The following PHF3 variants were observed in gnomAD, a reference collection of about 807,000 sequenced individuals.
PHF3 encodes PHD finger protein 3.
Under a neutral mutation model 178.4 loss-of-function variants are expected in PHF3, and 41 were observed. The observed-to-expected ratio is 0.23, with a 90% CI of 0.18 to 0.30. The LOEUF (loss-of-function observed/expected upper bound fraction) is 0.30, where lower values mean the gene tolerates loss of function less well. Ranked by LOEUF, PHF3 falls within the 10% of genes least tolerant of loss-of-function variation. The probability of loss-of-function intolerance (pLI) is 1.00; values close to 1 mark genes in which losing one functional copy is unlikely to be tolerated. For synonymous variants in PHF3, 842 were observed against 800.5 expected (o/e 1.05, Z -0.88); for missense variants, 2,346 against 2,398.1 (o/e 0.98, Z 0.45).
intron 1 of PHF3, chr6:63,636,950 G>GT (rs1484038454): frequency 6.6e-6 from 1 of 152,152 alleles, no homozygotes; most frequent in Non-Finnish European, 1.5e-5. Flanking sequence ...CTCAGGATGT[G>GT]TTGCCGGGTT....
chr6:63,660,720 C>G (rs1050642390), intron 2 of PHF3, among the ~76,000 whole-genome samples: 3 of 152,190 alleles, frequency 2.0e-5, no homozygotes, highest in African/African-American at 7.2e-5. Flanking sequence ...GTCCTGACCA[C>G]TCTTTTCCTG....
At chr6:63,698,825 C>T (rs1767347846) in intron 8 of PHF3, among the ~76,000 whole-genome samples, 1 of 152,044 alleles carries the variant, frequency 6.6e-6, no homozygotes, top group East Asian at 1.9e-4. Context: ...CGTGTCTTAA[C>T]CTGATTTATA....
At chr6:63,700,758 A>T (rs1051216411) in intron 9 of PHF3, among the ~76,000 whole-genome samples, 14 of 151,996 alleles carry the variant, frequency 9.2e-5, no homozygotes, top group African/African-American at 3.4e-4. Context: ...TAATTTTTGT[A>T]TTTTTAGTAG....
chr6:63,721,160 T>C lies in PHF3; in HGVS notation c.*7452T>C, dbSNP rs1768368829. On this transcript the variant is annotated 3_prime_UTR_variant, in exon 16 of 16. Transcript: ENST00000262043. ...TAATGTAAGAATTACCCATAAATTT[T>C]GCAGTTGAAAATGAAGTTTTGTTTT... is the stretch of plus-strand genomic sequence containing the variant. 12 of 1,551,602 alleles carry C rather than the reference T, an allele frequency of 7.7e-6. No homozygotes were observed. Among genetic ancestry groups the C allele is most frequent in the Non-Finnish European group, 9.6e-6 (11 of 1,146,882 alleles).
intron 2 of PHF3, among the ~76,000 whole-genome samples, chr6:63,649,022 T>C (rs1764907407): frequency 6.6e-6 from 1 of 151,934 alleles, no homozygotes; most frequent in Non-Finnish European, 1.5e-5. Context: ...TGGAAAACAT[T>C]TTTGAAAAAA....
rs908610258 is a variant in PHF3, at chr6:63,636,138, C to T, written c.-38C>T. The T allele has an allele frequency of 2.8e-5, 11 of 388,820 alleles. No individual in the cohort carries two copies. In the East Asian group the frequency reaches 4.0e-4, roughly 14 times the overall value. The allele number at this position is 388,820 out of a possible 1,614,324, so 24.1% of individuals were successfully genotyped here. On this transcript the variant is annotated 5_prime_UTR_variant, in exon 1 of 16. Coordinates refer to ENST00000262043, the MANE Select transcript of PHF3 (RefSeq NM_001370348.2). ...TCTTGCTGCCAGTGGTAGCGCTCGT[C>T]TGGCGGAGCTGGGTGAGTTGCGGCT...
chr6:63,661,759 G>T (rs183587196), intron 2 of PHF3, among the ~76,000 whole-genome samples: 7 of 152,318 alleles, frequency 4.6e-5, no homozygotes, highest in Admixed American at 4.6e-4. Flanking sequence ...TGTTGAGAAT[G>T]TAATTAGCCT....
chr6:63,662,660 G>A (rs1443605663), intron 2 of PHF3, among the ~76,000 whole-genome samples: 1 of 152,052 alleles, frequency 6.6e-6, no homozygotes, highest in Non-Finnish European at 1.5e-5. Context: ...CTAAAATACT[G>A]TCTTTCCCTA....
chr6:63,702,664 AT>A (rs1376183677), intron 10 of PHF3, 25 bp downstream of exon 10: 1 of 1,584,804 alleles, frequency 6.3e-7, no homozygotes, highest in African/African-American at 1.4e-5. Context: ...GCCATGTTTT[AT>A]AGCTCAAAAC....
At chr6:63,652,713 G>T (rs1765068228) in intron 2 of PHF3, among the ~76,000 whole-genome samples, 1 of 152,076 alleles carries the variant, frequency 6.6e-6, no homozygotes, top group African/African-American at 2.4e-5. Context: ...TTTTGTATAT[G>T]GAGAGAGATG....
At chr6:63,641,916 T>C (rs1764593293) in intron 1 of PHF3, among the ~76,000 whole-genome samples, 1 of 152,032 alleles carries the variant, frequency 6.6e-6, no homozygotes, top group Non-Finnish European at 1.5e-5. Context: ...GTGTGAGCCA[T>C]GGCGCCCGGC....
rs1355912155 is a variant in PHF3 at position 63,716,037 on chromosome 6, G to A, written c.*2329G>A. On this transcript the variant is annotated 3_prime_UTR_variant, in exon 16 of 16. Transcript: ENST00000262043. The stretch of plus-strand genomic sequence containing the variant: ...ACCTCTATTAGGTAAAAGTACCAGG[G>A]CATCTCAGTACCTGTAAAGTTCACC... Among the ~76,000 whole-genome samples, 1 of 152,108 alleles carries A rather than the reference G, an allele frequency of 6.6e-6. No homozygotes were observed. Among genetic ancestry groups the A allele is most frequent in the Non-Finnish European group, 1.5e-5 (1 of 68,008 alleles).
rs943353001 is a variant in PHF3 at position 63,722,762 on chromosome 6, C to T, written c.*9054C>T. Among the ~76,000 whole-genome samples, 4 of 152,084 alleles carry T rather than the reference C, an allele frequency of 2.6e-5. No homozygotes were observed. Among genetic ancestry groups the T allele is most frequent in the Admixed American group, 2.0e-4 (3 of 15,266 alleles). ...TCCAGAGTGCCTATTTCCACACCTC[C>T]CTCCTGCAAATGGTGTTCTTTCCTT... On this transcript the variant is annotated 3_prime_UTR_variant, in exon 16 of 16. Coordinates refer to ENST00000262043, the MANE Select transcript of PHF3 (RefSeq NM_001370348.2).
rs1288463024 is a variant in PHF3 at position 63,713,122 on chromosome 6, T to G, written c.5534T>G (p.Phe1845Cys). 6.2e-7 allele frequency: 1 copy of G among 1,614,026 alleles called. No individual in the cohort carries two copies. The highest frequency in any genetic ancestry group is 2.2e-5 in the East Asian group (1 of 44,862). Residue 1845 changes from phenylalanine to cysteine, a missense_variant, in exon 16 of 16, where the codon TTT becomes TGT. Physicochemically the swap from Phe to Cys is radical, Grantham distance 205 (BLOSUM62 -2). Coordinates refer to ENST00000262043, the MANE Select transcript of PHF3 (RefSeq NM_001370348.2). Reference protein sequence around the residue: ...LPPPLLPPPGFGFAQNPMVPW... With the variant: ...LPPPLLPPPGCGFAQNPMVPW... ...CCTCCATTACTTCCCCCTCCAGGCTTTGGCTTTGCTCAAAATCCCATGGTT... is the reference window on the plus strand; with the variant it reads ...CCTCCATTACTTCCCCCTCCAGGCTGTGGCTTTGCTCAAAATCCCATGGTT...
intron 8 of PHF3, among the ~76,000 whole-genome samples, chr6:63,700,027 A>T (rs1347107129): frequency 1.3e-5 from 2 of 152,146 alleles, no homozygotes; most frequent in Non-Finnish European, 2.9e-5. Context: ...TTGATGCAGT[A>T]CCTCGCTATA....
At position 63,712,172 on chromosome 6, in the gene PHF3, T is replaced by A; in HGVS notation, c.4584T>A (p.Asp1528Glu). 6.2e-7 allele frequency: 1 copy of A among 1,613,590 alleles called. No homozygotes were observed. Among genetic ancestry groups the A allele is most frequent in the Non-Finnish European group, 8.5e-7 (1 of 1,179,738 alleles). The change falls in exon 16 of 16, where the codon GAT (aspartate) becomes GAA (glutamate). Residue 1528 changes from aspartate to glutamate, a missense_variant. This residue lies in a region of PHF3 where 839 missense variants were observed against 806.9 expected (regional missense o/e 1.04). Coordinates refer to ENST00000262043, the MANE Select transcript of PHF3 (RefSeq NM_001370348.2). ...GENKEIKVKV[D>E]NISESTDKSA... The stretch of plus-strand genomic sequence containing the variant: ...ACAAGGAGATAAAAGTTAAAGTAGA[T>A]AATATTTCAGAATCTACAGATAAGT...
At position 63,712,874 on chromosome 6, in the gene PHF3, A is replaced by G. The variant is rs761573397; in HGVS notation, c.5286A>G (p.Thr1762=). The G allele has an allele frequency of 1.2e-6, 2 of 1,614,048 alleles. No individual in the cohort carries two copies. Among genetic ancestry groups the G allele is most frequent in the Non-Finnish European group, 1.7e-6 (2 of 1,179,950 alleles). Residue 1762 remains threonine, a synonymous_variant, in exon 16 of 16, where the codon ACA becomes ACG. Transcript: ENST00000262043. ...TTCGAAGAGGATCAGCAGTAGCGAC[A>G]TCTCATTTTGAAGTTGGAAACACAT... ...HPFRRGSAVA[T]SHFEVGNTCP... is the part of the protein sequence containing the mutation.
Position 63,720,736 on chromosome 6 carries a change from C to G in PHF3, c.*7028C>G, listed in dbSNP as rs915047356. On this transcript the variant is annotated 3_prime_UTR_variant, in exon 16 of 16. Coordinates refer to ENST00000262043, the MANE Select transcript of PHF3 (RefSeq NM_001370348.2). ...TTGGTTTTAAAAATCTCTTGAGTAA[C>G]GATATTTACCTTTCTACCATATTCA... 6.5e-7 allele frequency: 1 copy of G among 1,548,550 alleles called. No homozygotes were observed. The highest frequency in any genetic ancestry group is 1.4e-5 in the African/African-American group (1 of 72,840).
chr6:63,680,200 T>G (rs751802156), intron 3 of PHF3, 39 bp downstream of exon 3: 1 of 1,512,304 alleles, frequency 6.6e-7, no homozygotes, highest in Non-Finnish European at 8.9e-7. Context: ...AAATTAGAGG[T>G]ATAGGGACAG....
Sources: gnomAD v4.1 joint callset for allele counts (sites outside exome capture counted in the v4.1 genomes callset) on GRCh38, gnomAD v4.1.1 for gene constraint, gnomAD v4.1.1 regional missense constraint, MANE v1.5 for transcripts, NCBI Gene and HGNC (gene_info 2026-07-23, HGNC 2026-07-21) for gene names.